Variants in NSD3 observed in about 807,000 individuals in gnomAD.
NSD3 encodes nuclear receptor binding SET domain protein 3, also known as histone-lysine N-methyltransferase NSD3.
Under a neutral mutation model 160.8 loss-of-function variants are expected in NSD3, and 24 were observed. The ratio of observed to expected loss-of-function variants is 0.15; its 90% CI spans 0.11 to 0.21. NSD3 has a LOEUF of 0.21. NSD3 is among the 10% of genes least tolerant of loss of function. The pLI is 1.00. For missense variants in NSD3, 1,157 were observed against 1,735.9 expected, an observed-to-expected ratio of 0.67 and a Z score of 5.93; for synonymous variants, 520 against 600.0, an observed-to-expected ratio of 0.87 and a Z score of 1.95.
rs763609195 is a variant in NSD3, at chr8:38,279,583, T to C, written c.3717A>G (p.Gly1239=). Residue 1239 remains glycine (G), a synonymous_variant, in exon 21 of 24, where the codon GGA becomes GGG. Transcript: ENST00000317025. ...NCETQKWTVN[G]DVRVGLFALC... is the part of the protein sequence containing the mutation. ...GAGCAAATAGTCCCACTCGAACATC[T>C]CCATTCACTGTCCACTTTTGTGTTT... 3.4e-5 allele frequency: 55 copies of C among 1,614,038 alleles called. No individual in the cohort carries two copies. Among genetic ancestry groups the C allele is most frequent in the Non-Finnish European group, 4.6e-5 (54 of 1,180,016 alleles).
At chr8:38,362,785 T>C (rs1386696810) in intron 1 of NSD3, among the ~76,000 whole-genome samples, 1 of 152,206 alleles carries the variant, frequency 6.6e-6, no homozygotes, top group African/African-American at 2.4e-5. Context: ...TGTATCAGTA[T>C]ACAAAACCTA....
chr8:38,347,737 T>C lies in NSD3; in HGVS notation c.435A>G (p.Pro145=), dbSNP rs1810571120. 2 of 1,612,466 alleles carry C rather than the reference T, an allele frequency of 1.2e-6. No individual in the cohort carries two copies. Among genetic ancestry groups the C allele is most frequent in the East Asian group, 2.2e-5 (1 of 44,900 alleles). ...PPPSVPQTVI[P]KKTGSPEIKL... Reference sequence around the variant, plus strand: ...TAATTTCAGGTGAGCCAGTCTTCTTTGGAATCACAGTTTGTGGTACCGAAG... The same window carrying C: ...TAATTTCAGGTGAGCCAGTCTTCTTCGGAATCACAGTTTGTGGTACCGAAG... The change falls in exon 2 of 24, where the codon CCA becomes CCG. Residue 145 remains proline, a synonymous_variant. Coordinates refer to ENST00000317025, the MANE Select transcript of NSD3 (RefSeq NM_023034.2).
chr8:38,347,874 A>C lies in NSD3; in HGVS notation c.298T>G (p.Phe100Val). The C allele has an allele frequency of 6.2e-7, 1 of 1,614,234 alleles. No homozygotes were observed. Among genetic ancestry groups the C allele is most frequent in the Non-Finnish European group, 8.5e-7 (1 of 1,180,046 alleles). The change falls in exon 2 of 24, where the codon TTT becomes GTT. Residue 100 changes from phenylalanine to valine, a missense_variant. Physicochemically the swap from Phe to Val is conservative, Grantham distance 50. Transcript: ENST00000317025. Reference protein sequence around the residue: ...NQYPNGSANGFGAVRNFSPTD... With the variant: ...NQYPNGSANGVGAVRNFSPTD... Reference sequence around the variant, plus strand: ...GGGCTAAAGTTTCTAACTGCACCAAAGCCATTGGCTGACCCATTAGGATAC... The same window carrying C: ...GGGCTAAAGTTTCTAACTGCACCAACGCCATTGGCTGACCCATTAGGATAC...
At chr8:38,276,054 G>A in intron 23 of NSD3, 172 bp from the exon 24 acceptor site, 1 of 788,152 alleles carries the variant, frequency 1.3e-6, no homozygotes, top group Non-Finnish European at 2.0e-6. Context: ...GGATGGATGT[G>A]AGCTACTGGC....
chr8:38,283,346 G>C (rs922836892), intron 19 of NSD3, among the ~76,000 whole-genome samples: 3 of 151,798 alleles, frequency 2.0e-5, no homozygotes, highest in Non-Finnish European at 4.4e-5. Context: ...TAAATGTCTT[G>C]AAAAACAAAA....
intron 1 of NSD3, among the ~76,000 whole-genome samples, chr8:38,353,378 A>T (rs1374400038): frequency 6.6e-6 from 1 of 152,240 alleles, no homozygotes; most frequent in Non-Finnish European, 1.5e-5. Flanking sequence ...CAGAATTCAA[A>T]AGTTCTCATT....
At chr8:38,277,838 A>G (rs542101044) in intron 22 of NSD3, among the ~76,000 whole-genome samples, 2 of 152,186 alleles carry the variant, frequency 1.3e-5, no homozygotes, top group Non-Finnish European at 2.9e-5. Context: ...GGAAAGTCAC[A>G]GTCTAAATGT....
At chr8:38,289,824 C>T (rs1808956231) in intron 17 of NSD3, among the ~76,000 whole-genome samples, 1 of 152,188 alleles carries the variant, frequency 6.6e-6, no homozygotes, top group African/African-American at 2.4e-5. Flanking sequence ...TACCAGAAAG[C>T]CAAACTTGCT....
intron 12 of NSD3, among the ~76,000 whole-genome samples, chr8:38,306,983 C>T (rs904100689): frequency 3.3e-5 from 5 of 151,448 alleles, no homozygotes; most frequent in Middle Eastern, 3.2e-3. Flanking sequence ...GGTGTGGTGG[C>T]GGGCGCCTGT....
intron 1 of NSD3, among the ~76,000 whole-genome samples, chr8:38,372,348 G>A (rs1811266334): frequency 6.6e-6 from 1 of 152,070 alleles, no homozygotes; most frequent in Non-Finnish European, 1.5e-5. Flanking sequence ...AAGGTACTAA[G>A]ATTTCAAATC....
At chr8:38,358,443 A>G (rs996381773) in intron 1 of NSD3, among the ~76,000 whole-genome samples, 1 of 152,212 alleles carries the variant, frequency 6.6e-6, no homozygotes, top group African/African-American at 2.4e-5. Context: ...ATGTGTTTCC[A>G]TAGTAACAGG....
At chr8:38,354,871 A>C (rs1054650281) in intron 1 of NSD3, among the ~76,000 whole-genome samples, 2 of 152,190 alleles carry the variant, frequency 1.3e-5, no homozygotes, top group African/African-American at 4.8e-5. Flanking sequence ...CCACATTGTT[A>C]TATTTTCTAG....
intron 7 of NSD3, among the ~76,000 whole-genome samples, chr8:38,325,901 G>A (rs1192365872): frequency 2.0e-5 from 3 of 151,422 alleles, no homozygotes; most frequent in East Asian, 1.9e-4. Flanking sequence ...TGTAATTCCA[G>A]CACTTTGGGA....
intron 15 of NSD3, among the ~76,000 whole-genome samples, chr8:38,298,362 C>T (rs1475802621): frequency 1.3e-5 from 2 of 152,096 alleles, no homozygotes; most frequent in Non-Finnish European, 2.9e-5. Flanking sequence ...AGAAAACAGA[C>T]AAAAAAGCCA....
At chr8:38,304,826 T>C in intron 13 of NSD3, 69 bp from the exon 14 acceptor site, 1 of 1,465,782 alleles carries the variant, frequency 6.8e-7, no homozygotes, top group Non-Finnish European at 9.1e-7. Context: ...GTTTCTGGAG[T>C]TGGGCTTTTT....
At position 38,270,344 on chromosome 8, in the gene NSD3, C is replaced by T. The variant is rs1200646831; in HGVS notation, c.*5297G>A. The T allele has an allele frequency of 4.6e-5, 7 of 152,194 alleles. No individual in the cohort carries two copies. Among genetic ancestry groups the T allele is most frequent in the East Asian group, 1.9e-4 (1 of 5,194 alleles). 9.4% of individuals were successfully genotyped at this position (152,194 alleles called of 1,614,324 possible). ...CATAAAGAACACGAGAAAATGAAAA[C>T]GGAGTCTGTAGGTATCTGTGTTTGT... On this transcript the variant is annotated 3_prime_UTR_variant, in exon 24 of 24. Transcript: ENST00000317025.
chr8:38,324,405 A>AT (rs944158571), intron 7 of NSD3, among the ~76,000 whole-genome samples: 36 of 151,740 alleles, frequency 2.4e-4, no homozygotes, highest in African/African-American at 2.7e-4. Flanking sequence ...GTGAACAGTG[A>AT]TTTTTTTTTA....
At chr8:38,296,000 AAAAG>A (rs1226079333) in intron 15 of NSD3, 48 bp from the exon 16 acceptor site, 9 of 1,514,166 alleles carry the variant, frequency 5.9e-6, no homozygotes, top group Non-Finnish European at 7.1e-6. Context: ...AGGAGAGAGA[AAAAG>A]AAAGAAAAAG....
rs913090821 is a variant in NSD3, at chr8:38,279,520, G to A, written c.3760+20C>T. 5 of 1,611,328 alleles carry A rather than the reference G, an allele frequency of 3.1e-6. No homozygotes were observed. The highest frequency in any genetic ancestry group is 4.2e-6 in the Non-Finnish European group (5 of 1,177,986). On this transcript the variant is annotated intron_variant, in intron 21 of 23. Transcript: ENST00000317025. ...TTTCTTCCTAGGGAGGAAAGCATGG[G>A]GAACGAGTCACTTTTTTACCTGCAG... is the stretch of plus-strand genomic sequence containing the variant.
Sources: allele counts gnomAD v4.1 joint callset (sites outside exome capture counted in the v4.1 genomes callset), GRCh38; gene constraint gnomAD v4.1.1; transcripts MANE v1.5; gene names NCBI Gene and HGNC (gene_info 2026-07-23, HGNC 2026-07-21).